Variants in ROBO2 observed in about 807,000 individuals in gnomAD.
The protein encoded by ROBO2 is roundabout guidance receptor 2.
Under a neutral mutation model 160.8 loss-of-function variants are expected in ROBO2, and 53 were observed. The observed-to-expected ratio is 0.33, with a 90% CI of 0.26 to 0.41. The LOEUF (loss-of-function observed/expected upper bound fraction) is 0.41, where lower values mean the gene tolerates loss of function less well. ROBO2 is among the 10% of genes least tolerant of loss of function. ROBO2 has a pLI of 1.00. For synonymous variants in ROBO2, 664 were observed against 611.7 expected, an observed-to-expected ratio of 1.09 and a Z score of -1.26; for missense variants, 1,577 against 1,722.4, an observed-to-expected ratio of 0.92 and a Z score of 1.49.
chr3:76,767,964 G>A (rs2061663558), intron 2 of ROBO2, among the ~76,000 whole-genome samples: 1 of 151,362 alleles, frequency 6.6e-6, no homozygotes, highest in African/African-American at 2.4e-5. Flanking sequence ...GGATTTTTTG[G>A]TAGTAAGTAA....
At chr3:76,524,810 A>G (rs1439724745) in intron 2 of ROBO2, among the ~76,000 whole-genome samples, 1 of 134,652 alleles carries the variant, frequency 7.4e-6, no homozygotes, top group South Asian at 2.5e-4. Flanking sequence ...TTAAAAACCT[A>G]TGACCCTCTT....
chr3:77,349,792 G>C (rs754036565), intron 2 of ROBO2, among the ~76,000 whole-genome samples: 3 of 151,936 alleles, frequency 2.0e-5, no homozygotes, highest in African/African-American at 4.8e-5. Context: ...CTTTTTTTCA[G>C]AGAGGCCTTT....
intron 2 of ROBO2, among the ~76,000 whole-genome samples, chr3:77,326,911 A>G (rs1213158951): frequency 6.6e-6 from 1 of 152,158 alleles, no homozygotes; most frequent in African/African-American, 2.4e-5. Context: ...TTAAATATGA[A>G]TTCTGCTTTA....
chr3:76,821,486 G>A (rs980338408), intron 2 of ROBO2, among the ~76,000 whole-genome samples: 12 of 151,802 alleles, frequency 7.9e-5, no homozygotes, highest in African/African-American at 1.9e-4. Context: ...CAATTTATTC[G>A]AGAGAAACAG....
rs2077163181 is a variant in ROBO2 at position 76,446,036 on chromosome 3, C to T, written c.109+508434C>T. On this transcript the variant is annotated intron_variant, in intron 2 of 26. Transcript: ENST00000487694. ...TTCAACATAGTGTTGGAAGTTCTGG[C>T]CAGGGCAATCAGGCAGGAGAAAGAA... is the stretch of plus-strand genomic sequence containing the variant. Among the ~76,000 whole-genome samples the T allele has an allele frequency of 2.0e-5, 3 of 152,066 alleles. No homozygotes were observed. In the South Asian group the frequency reaches 6.2e-4, roughly 32 times the overall value.
intron 2 of ROBO2, among the ~76,000 whole-genome samples, chr3:76,049,403 A>ATATATTTTTTTTTT (rs1414664360): frequency 1.9e-5 from 1 of 53,762 alleles, no homozygotes; most frequent in African/African-American, 1.5e-4. Flanking sequence ...ATATATATAT[A>ATATATTTTTTTTTT]TTTTTTTTTT....
chr3:76,462,535 A>G (rs2078141503), intron 2 of ROBO2, among the ~76,000 whole-genome samples: 1 of 152,026 alleles, frequency 6.6e-6, no homozygotes. Context: ...TGGTGCAATT[A>G]TAGATTACAA....
At chr3:77,602,178 T>G (rs759300258) in intron 19 of ROBO2, 32 bp from the exon 21 acceptor site, 2 of 1,613,506 alleles carry the variant, frequency 1.2e-6, no homozygotes, top group Non-Finnish European at 1.7e-6. Context: ...GGTGCCTCAT[T>G]AAATTGTTTC....
intron 5 of ROBO2, among the ~76,000 whole-genome samples, chr3:77,520,046 T>C (rs898097423): frequency 2.6e-5 from 4 of 151,426 alleles, no homozygotes; most frequent in African/African-American, 9.7e-5. Context: ...AACAGGTTTT[T>C]TTCTTTTAAC....
chr3:77,239,657 G>T (rs1206033410), intron 2 of ROBO2, among the ~76,000 whole-genome samples: 1 of 152,170 alleles, frequency 6.6e-6, no homozygotes, highest in South Asian at 2.1e-4. Context: ...CCCTGAGCTA[G>T]ACACAGAGTG....
At chr3:76,053,074 C>T (rs764225098) in intron 2 of ROBO2, among the ~76,000 whole-genome samples, 1 of 151,906 alleles carries the variant, frequency 6.6e-6, no homozygotes, top group Non-Finnish European at 1.5e-5. Flanking sequence ...TTGCCACTTG[C>T]CTAGCTTCCC....
chr3:77,230,736 A>G (rs1178027710), intron 2 of ROBO2, among the ~76,000 whole-genome samples: 2 of 152,214 alleles, frequency 1.3e-5, no homozygotes, highest in Non-Finnish European at 2.9e-5. Context: ...AAGTTACTAG[A>G]AAAGACAGGT....
intron 2 of ROBO2, among the ~76,000 whole-genome samples, chr3:77,232,533 A>C (rs1344402701): frequency 6.6e-6 from 1 of 152,204 alleles, no homozygotes; most frequent in Non-Finnish European, 1.5e-5. Flanking sequence ...ACTGTTTCTA[A>C]AAGCAGGCTC....
At chr3:77,110,819 C>CA in intron 2 of ROBO2, among the ~76,000 whole-genome samples, 1 of 152,014 alleles carries the variant, frequency 6.6e-6, no homozygotes, top group African/African-American at 2.4e-5. Context: ...TCAGTCTTCC[C>CA]AGTAGCTTGT....
chr3:77,304,390 C>T (rs2062916848), intron 2 of ROBO2, among the ~76,000 whole-genome samples: 1 of 152,116 alleles, frequency 6.6e-6, no homozygotes, highest in Middle Eastern at 3.2e-3. Flanking sequence ...CATTAGCAAC[C>T]AGTGGCTTGA....
At chr3:76,261,423 T>A (rs1439538302) in intron 2 of ROBO2, among the ~76,000 whole-genome samples, 1 of 151,956 alleles carries the variant, frequency 6.6e-6, no homozygotes, top group African/African-American at 2.4e-5. Context: ...CTTCAGATAA[T>A]ACTATGTGCC....
chr3:76,217,412 T>C (rs1703621348), intron 2 of ROBO2, among the ~76,000 whole-genome samples: 1 of 151,704 alleles, frequency 6.6e-6, no homozygotes, highest in Admixed American at 6.6e-5. Flanking sequence ...TTGATAAACC[T>C]CTAGAAGACT....
At chr3:77,502,842 G>A (rs1319925230) in intron 5 of ROBO2, among the ~76,000 whole-genome samples, 2 of 152,068 alleles carry the variant, frequency 1.3e-5, no homozygotes, top group African/African-American at 4.8e-5. Flanking sequence ...TCAGCTTTTG[G>A]TATTTTCAGG....
chr3:77,219,489 G>GTGTATA (rs2085479710), intron 2 of ROBO2, among the ~76,000 whole-genome samples: 2 of 111,476 alleles, frequency 1.8e-5, no homozygotes, highest in African/African-American at 6.5e-5. Flanking sequence ...TATATAATCT[G>GTGTATA]TATATATATA....
Sources: allele counts gnomAD v4.1 joint callset (sites outside exome capture counted in the v4.1 genomes callset), GRCh38; gene constraint gnomAD v4.1.1; transcripts MANE v1.5; gene names NCBI Gene and HGNC (gene_info 2026-07-23, HGNC 2026-07-21).